The following DCUN1D4 variants were observed in gnomAD, a reference collection of about 807,000 sequenced individuals.
The protein encoded by DCUN1D4 is DCN1-like protein 4.
In DCUN1D4, 22 loss-of-function variants were observed where a neutral mutation model predicts 47.9. The observed-to-expected ratio is 0.46, with a 90% confidence interval of 0.33 to 0.66. The LOEUF (loss-of-function observed/expected upper bound fraction) is 0.66. Among genes scored for constraint, DCUN1D4 ranks in the 30% least tolerant of loss-of-function variants. The pLI, the probability that DCUN1D4 is intolerant of heterozygous loss-of-function variation, is 0.02. For synonymous variants in DCUN1D4, 121 were observed against 112.2 expected (o/e 1.08, Z -0.50); for missense variants, 301 against 340.8 (o/e 0.88, Z 0.92).
In DCUN1D4 at chr4:51,913,680, C is replaced by T; in HGVS notation, c.*96C>T. On this transcript the variant is annotated 3_prime_UTR_variant, in exon 11 of 11. Transcript: ENST00000334635. ...TTGTATCAAAGCGCATGCTGCTTCT[C>T]TTGCACTGTTTCCCTTTCGCAGGGA... 2 of 1,118,136 alleles carry T rather than the reference C, an allele frequency of 1.8e-6. No homozygotes were observed. The highest frequency in any genetic ancestry group is 1.3e-6 in the Non-Finnish European group (1 of 746,114). 69.3% of individuals were successfully genotyped at this position (1,118,136 alleles called of 1,614,324 possible).
At chr4:51,870,933 T>C (rs1271429777) in intron 3 of DCUN1D4, among the ~76,000 whole-genome samples, 1 of 152,158 alleles carries the variant, frequency 6.6e-6, no homozygotes, top group African/African-American at 2.4e-5. Context: ...CCAGCTGTGC[T>C]GTGTGGTCCT....
intron 8 of DCUN1D4, among the ~76,000 whole-genome samples, chr4:51,906,054 G>A (rs1045364599): frequency 2.6e-5 from 4 of 152,122 alleles, no homozygotes; most frequent in Admixed American, 6.5e-5. Flanking sequence ...TGGAGAGGTC[G>A]CCTTTTCACT....
At chr4:51,864,871 AGTC>A (rs1186813430) in intron 3 of DCUN1D4, among the ~76,000 whole-genome samples, 1 of 152,228 alleles carries the variant, frequency 6.6e-6, no homozygotes, top group African/African-American at 2.4e-5. Flanking sequence ...GGAAAGTTAC[AGTC>A]GTCTTTTAGA....
chr4:51,865,873 A>G (rs1725828821), intron 3 of DCUN1D4, among the ~76,000 whole-genome samples: 1 of 152,188 alleles, frequency 6.6e-6, no homozygotes, highest in African/African-American at 2.4e-5. Flanking sequence ...CACTGTCACA[A>G]CTAGATAAGC....
intron 1 of DCUN1D4, chr4:51,844,496 T>C: frequency 2.6e-6 from 2 of 778,246 alleles, no homozygotes; most frequent in Non-Finnish European, 3.1e-6. Context: ...GGTCGGGCCC[T>C]GATGGCCGGG....
At chr4:51,887,251 G>A (rs1441320037) in intron 6 of DCUN1D4, 13 of 353,092 alleles carry the variant, frequency 3.7e-5, no homozygotes, top group African/African-American at 1.1e-4. Context: ...ACAGGTGTGC[G>A]CCACCATGCT....
At position 51,895,559 on chromosome 4, in the gene DCUN1D4, TAAAAAAAAAAAAAA is replaced by T. The variant is rs67542268; in HGVS notation, c.507-3695_507-3682del. Among the ~76,000 whole-genome samples the T allele has an allele frequency of 4.5e-5, 4 of 88,508 alleles. No individual in the cohort carries two copies. The East Asian group carries it at 9.0e-4, about 20-fold the overall frequency. The allele number at this position is 88,508 out of a possible 152,430, so 58.1% of individuals were successfully genotyped here. A position where few individuals can be genotyped will look rare whatever the true frequency, so the allele number is the denominator to read the frequency against. On this transcript the variant is annotated intron_variant, in intron 7 of 10. Transcript: ENST00000334635. ...TTAAGCTAATTGTGGTGCTTAAACT[TAAAAAAAAAAAAAA>T]AAAAAAAAAAAAAAACAGTGACAAT...
the DCUN1D4 span, among the ~76,000 whole-genome samples, chr4:51,834,114 C>CTTTTTTTTTTTTTTTTTTTTTTTT: frequency 2.7e-5 from 1 of 37,202 alleles, no homozygotes; most frequent in African/African-American, 1.1e-4. Flanking sequence ...TTTTTTTTTT[C>CTTTTTTTTTTTTTTTTTTTTTTTT]TTTTTTTTTT....
intron 3 of DCUN1D4, among the ~76,000 whole-genome samples, chr4:51,873,838 T>C (rs1577932355): frequency 6.6e-6 from 1 of 152,300 alleles, no homozygotes; most frequent in East Asian, 1.9e-4. Context: ...TCTTGAAGCT[T>C]AAGACTACTG....
At chr4:51,891,120 G>A (rs1399306595) in intron 6 of DCUN1D4, among the ~76,000 whole-genome samples, 1 of 152,234 alleles carries the variant, frequency 6.6e-6, no homozygotes, top group Non-Finnish European at 1.5e-5. Context: ...TAAAGTATGT[G>A]TGCTACAACT....
chr4:51,911,075 G>C lies in DCUN1D4; in HGVS notation c.621G>C (p.Lys207Asn), dbSNP rs1733652040. The change falls in exon 9 of 11, where the codon AAG becomes AAC. Residue 207 changes from lysine to asparagine, a missense_variant. By Grantham distance (94) the Lys-to-Asn change is moderately conservative. Around this residue, in one of 2 missense-constraint regions of DCUN1D4, gnomAD observed 170 missense variants for 234.5 expected, o/e 0.73. Transcript: ENST00000334635. ...YRYAFDFARE[K>N]DQRSLDINTA... ...TGTTTTTGTTTGTTAAACAGGAAAA[G>C]GACCAGCGCAGCCTAGACATAAACA... 6.2e-7 allele frequency: 1 copy of C among 1,613,654 alleles called. No homozygotes were observed. Among genetic ancestry groups the C allele is most frequent in the Non-Finnish European group, 8.5e-7 (1 of 1,179,734 alleles).
chr4:51,870,392 C>A (rs1228171438), intron 3 of DCUN1D4, among the ~76,000 whole-genome samples: 2 of 151,964 alleles, frequency 1.3e-5, no homozygotes, highest in Non-Finnish European at 2.9e-5. Context: ...TAAAAAAATC[C>A]TATCTGCCAA....
At chr4:51,840,767 G>C (rs1426463340), upstream of DCUN1D4, among the ~76,000 whole-genome samples, 1 of 152,142 alleles carries the variant, frequency 6.6e-6, no homozygotes, top group African/African-American at 2.4e-5. Flanking sequence ...AAATGACCAG[G>C]TAATATTTGC....
At chr4:51,856,874 T>C (rs1347537548) in intron 1 of DCUN1D4, among the ~76,000 whole-genome samples, 1 of 152,242 alleles carries the variant, frequency 6.6e-6, no homozygotes, top group Non-Finnish European at 1.5e-5. Context: ...AGAAGATTCC[T>C]CTTTGGAAGC....
chr4:51,849,386 A>G (rs528487842), intron 1 of DCUN1D4, among the ~76,000 whole-genome samples: 85 of 152,264 alleles, frequency 5.6e-4, no homozygotes, highest in Non-Finnish European at 8.2e-4. Context: ...GAACTGTCTA[A>G]TAGCCGCCTC....
At chr4:51,900,772 T>A (rs751228143) in intron 8 of DCUN1D4, among the ~76,000 whole-genome samples, 1 of 151,694 alleles carries the variant, frequency 6.6e-6, no homozygotes, top group Non-Finnish European at 1.5e-5. Flanking sequence ...TTTCATGAGT[T>A]TTTTTTTTCC....
intron 3 of DCUN1D4, among the ~76,000 whole-genome samples, chr4:51,872,614 A>G (rs1328907138): frequency 1.3e-5 from 2 of 151,840 alleles, no homozygotes; most frequent in Non-Finnish European, 2.9e-5. Context: ...CCTGGGTTTT[A>G]CCTTCTTTTC....
intron 1 of DCUN1D4, chr4:51,843,668 G>A (rs750752470): frequency 2.2e-5 from 28 of 1,246,842 alleles, no homozygotes; most frequent in Middle Eastern, 5.8e-4. Flanking sequence ...GGGAGGGAGC[G>A]AGCGAGCGAG....
chr4:51,885,465 T>G (rs900664542), intron 5 of DCUN1D4, among the ~76,000 whole-genome samples: 1 of 152,206 alleles, frequency 6.6e-6, no homozygotes, highest in East Asian at 1.9e-4. Context: ...AGGCCTGATA[T>G]CGAGAGACAT....
Sources: gnomAD v4.1 joint callset for allele counts (sites outside exome capture counted in the v4.1 genomes callset) on GRCh38, gnomAD v4.1.1 for gene constraint, gnomAD v4.1.1 regional missense constraint, MANE v1.5 for transcripts, NCBI Gene and HGNC (gene_info 2026-07-23, HGNC 2026-07-21) for gene names.